ARMC9: variants seen among roughly 807,000 people sequenced by gnomAD.
ARMC9 encodes the protein armadillo repeat containing 9.
Under a neutral mutation model 107.0 loss-of-function variants are expected in ARMC9, and 94 were observed. That is an observed-to-expected ratio of 0.88 (90% CI 0.74 to 1.04). The LOEUF (loss-of-function observed/expected upper bound fraction) is 1.04. Among genes scored for constraint, ARMC9 ranks in the 50% least tolerant of loss-of-function variants. ARMC9 has a pLI of 0.00. For synonymous variants in ARMC9, 380 were observed against 396.9 expected (o/e 0.96, Z 0.51); for missense variants, 942 against 1,030.1 (o/e 0.91, Z 1.17).
chr2:231,206,801 A>G (rs758343118), intron 2 of ARMC9, among the ~76,000 whole-genome samples: 18 of 152,216 alleles, frequency 1.2e-4, no homozygotes, highest in Non-Finnish European at 2.4e-4. Flanking sequence ...TTCCTACGCT[A>G]AAAGCTTTGA....
At chr2:231,229,511 A>C (rs747151106) in intron 7 of ARMC9, among the ~76,000 whole-genome samples, 2 of 152,220 alleles carry the variant, frequency 1.3e-5, no homozygotes, top group Non-Finnish European at 2.9e-5. Flanking sequence ...ACATCGGATT[A>C]TTATTTTCAC....
intron 22 of ARMC9, 50 bp downstream of exon 22, chr2:231,355,984 G>A (rs1017861778): frequency 1.1e-5 from 17 of 1,499,960 alleles, no homozygotes; most frequent in Non-Finnish European, 1.4e-5. Context: ...GTGATGTCTA[G>A]AACCTACGCA....
chr2:231,343,792 A>G (rs2044657902), intron 20 of ARMC9, among the ~76,000 whole-genome samples: 1 of 152,116 alleles, frequency 6.6e-6, no homozygotes, highest in Non-Finnish European at 1.5e-5. Context: ...AGCATTGTTT[A>G]GCTGGACAGA....
intron 19 of ARMC9, among the ~76,000 whole-genome samples, chr2:231,325,051 C>G (rs1315852851): frequency 6.6e-6 from 1 of 152,126 alleles, no homozygotes. Flanking sequence ...TGGAAAAACC[C>G]TGTCTCTACC....
intron 12 of ARMC9, chr2:231,270,544 A>T (rs898485632): frequency 8.9e-6 from 4 of 450,960 alleles, no homozygotes; most frequent in Non-Finnish European, 1.8e-5. Flanking sequence ...TCCCACTTCC[A>T]GAATTGTGGC....
intron 3 of ARMC9, among the ~76,000 whole-genome samples, chr2:231,210,647 C>G (rs887160197): frequency 1.3e-5 from 2 of 152,206 alleles, no homozygotes; most frequent in African/African-American, 4.8e-5. Context: ...CTTTGCATAT[C>G]GGTCCCTCCA....
intron 7 of ARMC9, 84 bp from the exon 8 acceptor site, chr2:231,235,140 G>A: frequency 1.4e-6 from 2 of 1,405,150 alleles, no homozygotes; most frequent in Non-Finnish European, 1.9e-6. Context: ...CTGGCAATAA[G>A]TATGGTAGTT....
chr2:231,241,636 T>G (rs1358890907), intron 9 of ARMC9, among the ~76,000 whole-genome samples: 1 of 152,152 alleles, frequency 6.6e-6, no homozygotes, highest in Admixed American at 6.5e-5. Flanking sequence ...AAAAGAAAAT[T>G]TATACCCTAC....
At chr2:231,254,005 A>G (rs1222819441) in intron 9 of ARMC9, among the ~76,000 whole-genome samples, 1 of 152,146 alleles carries the variant, frequency 6.6e-6, no homozygotes, top group Non-Finnish European at 1.5e-5. Context: ...TACTGATGGA[A>G]GCATTTTGAG....
chr2:231,207,011 A>G (rs1254345004), intron 2 of ARMC9, among the ~76,000 whole-genome samples: 2 of 152,180 alleles, frequency 1.3e-5, no homozygotes, highest in African/African-American at 4.8e-5. Context: ...TTTACATTTA[A>G]AAATCTTTTT....
rs141253973 is a variant in ARMC9, at chr2:231,298,646, G to A, written c.1773+2393G>A. On this transcript the variant is annotated intron_variant, in intron 19 of 24. Transcript: ENST00000611582. ...CAGTTAGCTGCTTAGCAACTCTAAA[G>A]ATAAAATGGTTCTAATGGGGCCAGG... 4.3e-3 allele frequency among the ~76,000 whole-genome samples: 656 copies of A among 152,256 alleles called. 8 individuals are homozygous for A. Among genetic ancestry groups the A allele is most frequent in the African/African-American group, 0.015 (631 of 41,534 alleles).
At chr2:231,370,210 C>T in intron 24 of ARMC9, 85 bp downstream of exon 24, 2 of 1,395,380 alleles carry the variant, frequency 1.4e-6, no homozygotes, top group Non-Finnish European at 1.9e-6. Context: ...ATATTTGGCC[C>T]CGTGCTCCTG....
intron 12 of ARMC9, among the ~76,000 whole-genome samples, chr2:231,265,580 A>G (rs1008596601): frequency 2.0e-5 from 3 of 152,176 alleles, no homozygotes; most frequent in African/African-American, 7.2e-5. Flanking sequence ...TGGACCTTGC[A>G]CAGGTGACAG....
intron 1 of ARMC9, among the ~76,000 whole-genome samples, chr2:231,200,087 C>T (rs939361058): frequency 6.6e-6 from 1 of 152,158 alleles, no homozygotes; most frequent in Non-Finnish European, 1.5e-5. Context: ...ACTATTTAAA[C>T]GGCTTAGGGA....
intron 19 of ARMC9, among the ~76,000 whole-genome samples, chr2:231,326,681 G>A (rs1328962946): frequency 1.3e-5 from 2 of 152,156 alleles, no homozygotes; most frequent in Non-Finnish European, 1.5e-5. Flanking sequence ...ACATTTCAAG[G>A]CCCAGTTCCC....
intron 21 of ARMC9, among the ~76,000 whole-genome samples, chr2:231,355,063 T>C (rs1360548203): frequency 6.6e-6 from 1 of 152,126 alleles, no homozygotes; most frequent in Non-Finnish European, 1.5e-5. Context: ...TCTAGGCCAG[T>C]CACAGTGGCT....
intron 21 of ARMC9, among the ~76,000 whole-genome samples, chr2:231,351,388 T>C: frequency 6.6e-6 from 1 of 152,152 alleles, no homozygotes; most frequent in East Asian, 1.9e-4. Flanking sequence ...TCTGGAATTC[T>C]GTTTATGTTG....
chr2:231,249,720 G>A (rs1463624881), intron 9 of ARMC9, among the ~76,000 whole-genome samples: 1 of 152,172 alleles, frequency 6.6e-6, no homozygotes, highest in Non-Finnish European at 1.5e-5. Context: ...TACTACATTA[G>A]TTGTTCCACT....
chr2:231,239,415 A>G (rs1403103384), intron 8 of ARMC9, among the ~76,000 whole-genome samples: 1 of 152,160 alleles, frequency 6.6e-6, no homozygotes, highest in Non-Finnish European at 1.5e-5. Context: ...TCCATCACTC[A>G]TTCAGCAAGC....
Sources: gnomAD v4.1 joint callset for allele counts (sites outside exome capture counted in the v4.1 genomes callset) on GRCh38, gnomAD v4.1.1 for gene constraint, MANE v1.5 for transcripts, NCBI Gene and HGNC (gene_info 2026-07-23, HGNC 2026-07-21) for gene names.